CDH6: variants seen among roughly 807,000 people sequenced by gnomAD.
CDH6 encodes the protein cadherin-6.
A neutral mutation model predicts 78.0 loss-of-function variants in CDH6; 31 were observed. The observed-to-expected ratio is 0.40, with a 90% CI of 0.30 to 0.54. The LOEUF (loss-of-function observed/expected upper bound fraction) is 0.54, where lower values mean the gene tolerates loss of function less well. CDH6 is among the 20% of genes least tolerant of loss of function. The probability of loss-of-function intolerance (pLI) is 0.56; values close to 1 mark genes in which losing one functional copy is unlikely to be tolerated. For synonymous variants in CDH6, 376 were observed against 368.8 expected (o/e 1.02, Z -0.23); for missense variants, 724 against 975.9 (o/e 0.74, Z 3.44).
rs763390520 is a variant in CDH6, at chr5:31,305,444, G to T, written c.1253+17G>T. 1 of 1,600,442 alleles carries T rather than the reference G, an allele frequency of 6.2e-7. No individual in the cohort carries two copies. Among genetic ancestry groups the T allele is most frequent in the Non-Finnish European group, 8.5e-7 (1 of 1,172,668 alleles). ...TCCTGTCAAGTAAGCACACTTCTGC[G>T]ACATGTCTCTTTCATAAGCTTCAGT... On this transcript the variant is annotated intron_variant, in intron 7 of 11. Coordinates refer to ENST00000265071, the MANE Select transcript of CDH6 (RefSeq NM_004932.4).
Position 31,328,384 on chromosome 5 carries a change from T to C in CDH6, c.*5076T>C, listed in dbSNP as rs901810495. The C allele has an allele frequency of 1.5e-5, 3 of 200,862 alleles. No homozygotes were observed. The highest frequency in any genetic ancestry group is 6.0e-5 in the Admixed American group (1 of 16,608). The allele number at this position is 200,862 out of a possible 1,614,324, so 12.4% of individuals were successfully genotyped here. ...TCTAAGCTTTTAGTTTTCTATGATC[T>C]ATTAGTTTAGTGTTTATTAAAGAAT... is the stretch of plus-strand genomic sequence containing the variant. On this transcript the variant is annotated 3_prime_UTR_variant, in exon 12 of 12. Transcript: ENST00000265071.
intron 1 of CDH6, among the ~76,000 whole-genome samples, chr5:31,259,736 G>A (rs1342040798): frequency 6.6e-6 from 1 of 152,110 alleles, no homozygotes; most frequent in Non-Finnish European, 1.5e-5. Context: ...AAATCTTTTG[G>A]GAAAAGACAG....
At chr5:31,302,954 A>AGAAAGAAAGAAAGAAGGAAG (rs1491181731) in intron 6 of CDH6, among the ~76,000 whole-genome samples, 2 of 129,780 alleles carry the variant, frequency 1.5e-5, no homozygotes, top group African/African-American at 5.6e-5. Flanking sequence ...AAAGAAAGAA[A>AGAAAGAAAGAAAGAAGGAAG]GAAGGAAAGA....
At chr5:31,287,306 A>T (rs1743038116) in intron 2 of CDH6, among the ~76,000 whole-genome samples, 1 of 152,174 alleles carries the variant, frequency 6.6e-6, no homozygotes, top group South Asian at 2.1e-4. Context: ...TTAGGACTGA[A>T]TGGAGACTAA....
At chr5:31,240,030 A>G (rs1053164032) in intron 1 of CDH6, among the ~76,000 whole-genome samples, 4 of 152,210 alleles carry the variant, frequency 2.6e-5, no homozygotes, top group African/African-American at 9.6e-5. Flanking sequence ...GAATTGGACC[A>G]GCAGGTCTCA....
At chr5:31,274,270 A>G (rs1482671483) in intron 2 of CDH6, among the ~76,000 whole-genome samples, 1 of 152,226 alleles carries the variant, frequency 6.6e-6, no homozygotes, top group Non-Finnish European at 1.5e-5. Context: ...GCTATTTAAT[A>G]CTAAGAAAAC....
intron 7 of CDH6, among the ~76,000 whole-genome samples, chr5:31,310,233 T>C (rs1489697128): frequency 1.6e-5 from 1 of 62,080 alleles, no homozygotes; most frequent in Non-Finnish European, 4.2e-5. Flanking sequence ...ACAGGCCCCA[T>C]GCAAGACTGA....
intron 3 of CDH6, among the ~76,000 whole-genome samples, chr5:31,296,738 A>G (rs568939163): frequency 1.1e-4 from 17 of 152,246 alleles, no homozygotes; most frequent in African/African-American, 3.8e-4. Flanking sequence ...GGCTTTGGAC[A>G]GGATTTGATC....
At chr5:31,248,645 A>G (rs1408115076) in intron 1 of CDH6, among the ~76,000 whole-genome samples, 1 of 152,116 alleles carries the variant, frequency 6.6e-6, no homozygotes, top group African/African-American at 2.4e-5. Flanking sequence ...TTTTTCTCAG[A>G]ATTCTTCTTG....
At chr5:31,305,525 C>G (rs548411406) in intron 7 of CDH6, 98 bp downstream of exon 7, 4 of 1,258,166 alleles carry the variant, frequency 3.2e-6, no homozygotes, top group Admixed American at 4.6e-5. Flanking sequence ...CCTTTTGTTC[C>G]AATTAGACAA....
At chr5:31,275,174 C>G (rs146815902) in intron 2 of CDH6, among the ~76,000 whole-genome samples, 2 of 152,258 alleles carry the variant, frequency 1.3e-5, no homozygotes, top group Non-Finnish European at 2.9e-5. Flanking sequence ...ACATTTCTTT[C>G]AAAATCAAGA....
intron 2 of CDH6, among the ~76,000 whole-genome samples, chr5:31,277,154 C>T (rs933407393): frequency 1.3e-5 from 2 of 152,176 alleles, no homozygotes; most frequent in Non-Finnish European, 2.9e-5. Context: ...CTTTATTATT[C>T]TAACTATAAG....
chr5:31,299,020 T>G (rs1050500323), intron 4 of CDH6, among the ~76,000 whole-genome samples: 1 of 152,184 alleles, frequency 6.6e-6, no homozygotes, highest in African/African-American at 2.4e-5. Context: ...AACTCAACAG[T>G]CAGTTCAAGT....
chr5:31,198,124 T>C (rs1454758613), intron 1 of CDH6, among the ~76,000 whole-genome samples: 1 of 152,196 alleles, frequency 6.6e-6, no homozygotes, highest in Non-Finnish European at 1.5e-5. Flanking sequence ...GCCAACAGTC[T>C]AGTTGTTCAA....
intron 3 of CDH6, among the ~76,000 whole-genome samples, chr5:31,295,358 G>T (rs899903957): frequency 6.6e-5 from 10 of 152,140 alleles, no homozygotes; most frequent in African/African-American, 2.4e-4. Context: ...GTAAAAGGCA[G>T]AAGAATTCAT....
At chr5:31,211,637 A>C (rs767905911) in intron 1 of CDH6, among the ~76,000 whole-genome samples, 8 of 150,970 alleles carry the variant, frequency 5.3e-5, no homozygotes, top group Admixed American at 6.6e-5. Flanking sequence ...GGGTAATTTT[A>C]GGCAAAAAAA....
chr5:31,313,384 T>C lies in CDH6; in HGVS notation c.1320T>C (p.Ile440=), dbSNP rs373772247. The C allele has an allele frequency of 1.2e-6, 2 of 1,613,748 alleles. No individual in the cohort carries two copies. The highest frequency in any genetic ancestry group is 1.7e-6 in the Non-Finnish European group (2 of 1,179,640). Reference sequence around the variant, plus strand: ...ACATTGATTCTGGAAATGGTTCGATTTTTACATCGAAACTTCTTGACCGAG... The same window carrying C: ...ACATTGATTCTGGAAATGGTTCGATCTTTACATCGAAACTTCTTGACCGAG... ...IFNIDSGNGS[I]FTSKLLDRET... The change falls in exon 8 of 12, where the codon ATT becomes ATC. Residue 440 remains isoleucine, a synonymous_variant. Transcript: ENST00000265071.
chr5:31,302,794 GAGAGAGAA>G (rs1169176859), intron 6 of CDH6, among the ~76,000 whole-genome samples: 3,655 of 36,078 alleles, frequency 0.1, 153 homozygotes, highest in African/African-American at 0.2. Context: ...GAGAGAGAGA[GAGAGAGAA>G]AGAAAGAAAG....
chr5:31,211,437 A>T (rs1740702141), intron 1 of CDH6, among the ~76,000 whole-genome samples: 1 of 152,068 alleles, frequency 6.6e-6, no homozygotes, highest in Non-Finnish European at 1.5e-5. Flanking sequence ...ATCACAAAAC[A>T]GTTTTCTTTT....
Sources: allele counts gnomAD v4.1 joint callset (sites outside exome capture counted in the v4.1 genomes callset), GRCh38; gene constraint gnomAD v4.1.1; transcripts MANE v1.5; gene names NCBI Gene and HGNC (gene_info 2026-07-23, HGNC 2026-07-21).